The following GAB4 variants were observed in gnomAD, a reference collection of about 807,000 sequenced individuals.
GAB4 encodes GRB2 associated binding protein family member 4.
In GAB4, 26 loss-of-function variants were observed where a neutral mutation model predicts 51.3. The observed-to-expected ratio is 0.51, with a 90% CI of 0.37 to 0.70. The LOEUF (loss-of-function observed/expected upper bound fraction) is 0.70. Among genes scored for constraint, GAB4 ranks in the 30% least tolerant of loss-of-function variants. GAB4 has a pLI of 0.00. For synonymous variants in GAB4, 329 were observed against 291.2 expected, an observed-to-expected ratio of 1.13 and a Z score of -1.32; for missense variants, 759 against 734.6, an observed-to-expected ratio of 1.03 and a Z score of -0.38.
intron 3 of GAB4, 106 bp from the exon 4 acceptor site, chr22:16,970,299 G>T: frequency 8.0e-7 from 1 of 1,254,552 alleles, no homozygotes; most frequent in East Asian, 2.4e-5. Flanking sequence ...ATGATATGGA[G>T]AAAACACAGG....
chr22:16,991,299 T>G (rs1189718827), intron 2 of GAB4, among the ~76,000 whole-genome samples: 1 of 147,732 alleles, frequency 6.8e-6, no homozygotes, highest in South Asian at 2.1e-4. Context: ...ATTTAGACCA[T>G]ATATCTGCCT....
Position 16,962,712 on chromosome 22 carries a change from C to A in GAB4, c.*21G>T. Reference sequence around the variant, plus strand: ...GCTCTGAGGCACTGTCCTGGCCCCACTCTGGTTTTGGTGGCCCGAGTCACA... The same window carrying A: ...GCTCTGAGGCACTGTCCTGGCCCCAATCTGGTTTTGGTGGCCCGAGTCACA... On this transcript the variant is annotated 3_prime_UTR_variant, in exon 10 of 10. Transcript: ENST00000400588. 1 of 1,604,486 alleles carries A rather than the reference C, an allele frequency of 6.2e-7. No homozygotes were observed. The highest frequency in any genetic ancestry group is 1.1e-5 in the South Asian group (1 of 90,526).
chr22:17,000,062 G>A (rs1210013948), intron 1 of GAB4, among the ~76,000 whole-genome samples: 7 of 152,056 alleles, frequency 4.6e-5, no homozygotes. Flanking sequence ...TACTTCCAAC[G>A]ATGTGGTCAA....
chr22:16,987,954 C>T lies in GAB4; in HGVS notation c.686+6G>A. On this transcript the variant is annotated splice_donor_region_variant and intron_variant, in intron 3 of 9. Transcript: ENST00000400588. ...ACTGCCCCCACTGGCCATAGTAGCCCCCTACCTTGCATGTTCTGCTCTCTG... is the reference window on the plus strand; with the variant it reads ...ACTGCCCCCACTGGCCATAGTAGCCTCCTACCTTGCATGTTCTGCTCTCTG... The T allele has an allele frequency of 1.3e-6, 2 of 1,590,208 alleles. No individual in the cohort carries two copies. Among genetic ancestry groups the T allele is most frequent in the Non-Finnish European group, 1.7e-6 (2 of 1,169,398 alleles).
In GAB4 at chr22:16,963,794, G is replaced by A. The variant is rs2123633426; in HGVS notation, c.1512C>T (p.Thr504=). 1.9e-6 allele frequency: 3 copies of A among 1,613,954 alleles called. No homozygotes were observed. Among genetic ancestry groups the A allele is most frequent in the Non-Finnish European group, 1.7e-6 (2 of 1,179,998 alleles). Residue 504 remains threonine (T), a synonymous_variant, in exon 9 of 10, where the codon ACC becomes ACT. Transcript: ENST00000400588. ...PASAFPVSGG[T]SSSAPPRSTG... is the part of the protein sequence containing the mutation. ...TGCTCCTCGGCGGGGCTGAACTGCT[G>A]GTGCCACCGGAAACAGGAAATGCAG...
chr22:16,992,147 C>T lies in GAB4; in HGVS notation c.204G>A (p.Arg68=). 6.2e-7 allele frequency: 1 copy of T among 1,612,388 alleles called. No individual in the cohort carries two copies. The highest frequency in any genetic ancestry group is 1.3e-5 in the African/African-American group (1 of 75,000). ...CTGGGTCACTGCTAGTCTGGCCCCTCCGCAGGATAAACCAGCGTTTCCTCC... is the reference window on the plus strand; with the variant it reads ...CTGGGTCACTGCTAGTCTGGCCCCTTCGCAGGATAAACCAGCGTTTCCTCC... ...FAWRKRWFIL[R]RGQTSSDPDV... Residue 68 remains arginine, a synonymous_variant, in exon 2 of 10, where the codon CGG becomes CGA. Transcript: ENST00000400588.
At chr22:16,988,905 C>T (rs1260650355) in intron 2 of GAB4, among the ~76,000 whole-genome samples, 1 of 152,208 alleles carries the variant, frequency 6.6e-6, no homozygotes, top group African/African-American at 2.4e-5. Context: ...GATTTCACTT[C>T]TACTCAAATT....
At position 16,963,604 on chromosome 22, in the gene GAB4, AG is replaced by A. The variant is rs1325068290; in HGVS notation, c.1581+120del. On this transcript the variant is annotated intron_variant, in intron 9 of 9. Transcript: ENST00000400588. ...CAGAGCACCACTGAGCATAAGAGCC[AG>A]GCACTGGGCTGGGAGTGGCAGCCCA... is the stretch of plus-strand genomic sequence containing the variant. 8.4e-6 allele frequency: 6 copies of A among 710,106 alleles called. No individual in the cohort carries two copies. The East Asian group carries it at 1.6e-4, about 19-fold the overall frequency. 44.0% of individuals were successfully genotyped at this position (710,106 alleles called of 1,614,324 possible). A position where few individuals can be genotyped will look rare whatever the true frequency, so the allele number is the denominator to read the frequency against.
At chr22:16,969,674 A>C in intron 4 of GAB4, 1 of 650,108 alleles carries the variant, frequency 1.5e-6, no homozygotes, top group African/African-American at 1.8e-5. Flanking sequence ...TGGCAGCAGC[A>C]ACAGACCACC....
chr22:16,984,129 C>A (rs551761272), intron 3 of GAB4, among the ~76,000 whole-genome samples: 8 of 152,142 alleles, frequency 5.3e-5, no homozygotes, highest in Admixed American at 5.2e-4. Context: ...AATCAGATTA[C>A]AAAATGGACA....
chr22:16,975,493 A>C (rs2060770097), intron 3 of GAB4, among the ~76,000 whole-genome samples: 1 of 152,208 alleles, frequency 6.6e-6, no homozygotes, highest in South Asian at 2.1e-4. Flanking sequence ...TCTCTGAAAA[A>C]AAGGCTACAG....
chr22:16,984,471 T>C (rs1358909161), intron 3 of GAB4, among the ~76,000 whole-genome samples: 2 of 152,236 alleles, frequency 1.3e-5, no homozygotes, highest in Admixed American at 6.5e-5. Context: ...ATCTGTATTA[T>C]CTTGAGGTTC....
chr22:16,981,800 A>G (rs1229724402), intron 3 of GAB4, among the ~76,000 whole-genome samples: 1 of 152,196 alleles, frequency 6.6e-6, no homozygotes, highest in Non-Finnish European at 1.5e-5. Context: ...ACAGACAAAG[A>G]TACAACAAAA....
chr22:17,001,483 T>C (rs143470256), intron 1 of GAB4, among the ~76,000 whole-genome samples: 3,165 of 152,316 alleles, frequency 0.021, 130 homozygotes, highest in African/African-American at 0.072. Flanking sequence ...GATTTTCAGC[T>C]CCATCAGGTC....
rs2060638214 is a variant in GAB4, at chr22:16,962,616, GAT to G, written c.*115_*116del. The G allele has an allele frequency of 4.2e-6, 4 of 941,366 alleles. No homozygotes were observed. Among genetic ancestry groups the G allele is most frequent in the Non-Finnish European group, 6.0e-6 (4 of 663,554 alleles). The allele number at this position is 941,366 out of a possible 1,614,324, so 58.3% of individuals were successfully genotyped here. On this transcript the variant is annotated 3_prime_UTR_variant, in exon 10 of 10. Transcript: ENST00000400588. The stretch of plus-strand genomic sequence containing the variant: ...CCCAAGCAGGCAAAGGATGTATATT[GAT>G]CAGGCCTCTGCTCTCTATGTAAGGG...
At chr22:16,965,155 T>G (rs781272134) in intron 7 of GAB4, 23 bp downstream of exon 7, 1 of 1,586,538 alleles carries the variant, frequency 6.3e-7, no homozygotes, top group East Asian at 2.2e-5. Context: ...CCCAAGCTCC[T>G]GTTTCCACTG....
intron 1 of GAB4, among the ~76,000 whole-genome samples, chr22:17,004,853 C>G (rs1383105165): frequency 3.3e-5 from 5 of 152,108 alleles, no homozygotes; most frequent in African/African-American, 9.7e-5. Context: ...GAACATATCT[C>G]AAAATAATAC....
Position 16,987,981 on chromosome 22 carries a change from C to T in GAB4, c.665G>A (p.Ser222Asn), listed in dbSNP as rs1441812292. 4 of 1,605,200 alleles carry T rather than the reference C, an allele frequency of 2.5e-6. No individual in the cohort carries two copies. Among genetic ancestry groups the T allele is most frequent in the Admixed American group, 3.4e-5 (2 of 58,186 alleles). The change falls in exon 3 of 10, where the codon AGC becomes AAC. Residue 222 changes from serine to asparagine, a missense_variant. By Grantham distance (46) the Ser-to-Asn change is conservative (BLOSUM62 1). Transcript: ENST00000400588. ...CTACCTTGCATGTTCTGCTCTCTGG[C>T]TGGCGTGCTGGTGCGAGCGGAGACA... Reference protein sequence around the residue: ...PGCLRSHQHASQRAEHARSAS... With the variant: ...PGCLRSHQHANQRAEHARSAS...
intron 4 of GAB4, chr22:16,969,676 C>T (rs1430553693): frequency 7.7e-6 from 5 of 649,650 alleles, no homozygotes; most frequent in Non-Finnish European, 1.4e-5. Context: ...GCAGCAGCAA[C>T]AGACCACCTG....
Sources: allele counts gnomAD v4.1 joint callset (sites outside exome capture counted in the v4.1 genomes callset), GRCh38; gene constraint gnomAD v4.1.1; transcripts MANE v1.5; gene names NCBI Gene and HGNC (gene_info 2026-07-23, HGNC 2026-07-21).